DPY19L3: variants seen among roughly 807,000 people sequenced by gnomAD.
The protein encoded by DPY19L3 is protein C-mannosyl-transferase DPY19L3.
DPY19L3 carries 51 observed loss-of-function variants against 92.3 expected under a neutral mutation model. That is an observed-to-expected ratio of 0.55 (90% confidence interval 0.44 to 0.70). DPY19L3 has a LOEUF of 0.70. DPY19L3 is among the 30% of genes least tolerant of loss of function. The pLI, the probability that DPY19L3 is intolerant of heterozygous loss-of-function variation, is 0.00. For synonymous variants in DPY19L3, 309 were observed against 315.2 expected (o/e 0.98, Z 0.21); for missense variants, 706 against 855.9 (o/e 0.82, Z 2.18).
intron 10 of DPY19L3, among the ~76,000 whole-genome samples, 154 bp downstream of exon 10, chr19:32,455,194 A>C (rs1208095405): frequency 6.6e-6 from 1 of 152,202 alleles, no homozygotes; most frequent in African/African-American, 2.4e-5. Context: ...ACCTGGTCTC[A>C]GATGGCCCTC....
Position 32,458,136 on chromosome 19 carries a change from A to G in DPY19L3, c.1126A>G (p.Lys376Glu). The G allele has an allele frequency of 1.9e-6, 3 of 1,613,814 alleles. No homozygotes were observed. Among genetic ancestry groups the G allele is most frequent in the Non-Finnish European group, 2.5e-6 (3 of 1,179,918 alleles). The change falls in exon 11 of 19, where the codon AAA becomes GAA. Residue 376 changes from lysine to glutamate, a missense_variant. Transcript: ENST00000392250. ...LNLKSDEHIF[K>E]FLKAKFGLGA... ...CCTGAAGTCAGATGAACACATATTT[A>G]AATTTCTGAAGGCAAAATTTGGGCT...
intron 8 of DPY19L3, among the ~76,000 whole-genome samples, chr19:32,451,710 C>T (rs1043944107): frequency 6.6e-6 from 1 of 151,964 alleles, no homozygotes; most frequent in African/African-American, 2.4e-5. Context: ...TTCTTTGTGG[C>T]GTGTTTCGTG....
chr19:32,450,705 G>A (rs780454710), intron 8 of DPY19L3, among the ~76,000 whole-genome samples: 2 of 152,162 alleles, frequency 1.3e-5, no homozygotes, highest in Non-Finnish European at 2.9e-5. Context: ...CCGGAGCTGG[G>A]GGTAGGGGAT....
intron 16 of DPY19L3, among the ~76,000 whole-genome samples, chr19:32,473,750 G>A (rs1970423561): frequency 6.6e-6 from 1 of 152,224 alleles, no homozygotes; most frequent in African/African-American, 2.4e-5. Context: ...GAGGGAAGAA[G>A]CATCATCCCT....
intron 15 of DPY19L3, among the ~76,000 whole-genome samples, chr19:32,466,448 T>C (rs1483062264): frequency 6.6e-6 from 1 of 152,208 alleles, no homozygotes; most frequent in African/African-American, 2.4e-5. Flanking sequence ...CAGAGAATTC[T>C]TTGCCGCTGG....
intron 2 of DPY19L3, 120 bp downstream of exon 2, chr19:32,408,476 C>T: frequency 1.5e-6 from 1 of 651,862 alleles, no homozygotes. Flanking sequence ...TTGTAGTACC[C>T]TGATATTCTA....
At position 32,411,280 on chromosome 19, in the gene DPY19L3, A is replaced by T; in HGVS notation, c.145A>T (p.Ile49Phe). The change falls in exon 3 of 19, where the codon ATT becomes TTT. Residue 49 changes from isoleucine (I) to phenylalanine (F), a missense_variant. Coordinates refer to ENST00000392250, the MANE Select transcript of DPY19L3 (RefSeq NM_001172774.2). ...ATTATGGAAGATTTTGTCATTGACA[A>T]TTGGTGGAACCATTGCCCTTTGCAT... is the stretch of plus-strand genomic sequence containing the variant. ...RRLWKILSLT[I>F]GGTIALCIGL... The T allele has an allele frequency of 6.2e-7, 1 of 1,613,270 alleles. No individual in the cohort carries two copies. The highest frequency in any genetic ancestry group is 1.1e-5 in the South Asian group (1 of 90,976).
At position 32,484,121 on chromosome 19, in the gene DPY19L3, A is replaced by AT. The variant is rs573964055; in HGVS notation, c.*1891dup. On this transcript the variant is annotated 3_prime_UTR_variant, in exon 19 of 19. Transcript: ENST00000392250. Reference sequence around the variant, plus strand: ...ATCACCGCAATGATGGCAAACAGTGATTTTTTTTTTCATAGTTTAGGTGTC... The same window carrying AT: ...ATCACCGCAATGATGGCAAACAGTGATTTTTTTTTTTCATAGTTTAGGTGTC... The AT allele has an allele frequency of 2.6e-4, 39 of 151,140 alleles. No homozygotes were observed. Among genetic ancestry groups the AT allele is most frequent in the East Asian group, 1.2e-3 (6 of 5,134 alleles). 9.4% of individuals were successfully genotyped at this position (151,140 alleles called of 1,614,324 possible).
intron 3 of DPY19L3, 26 bp downstream of exon 3, chr19:32,411,398 T>C: frequency 6.2e-7 from 1 of 1,613,184 alleles, no homozygotes; most frequent in Non-Finnish European, 8.5e-7. Context: ...GACCATTGTA[T>C]CATTCACTCA....
intron 16 of DPY19L3, among the ~76,000 whole-genome samples, chr19:32,474,407 G>A (rs904134125): frequency 4.6e-5 from 7 of 152,182 alleles, no homozygotes; most frequent in African/African-American, 1.4e-4. Flanking sequence ...GCTAGGGGCC[G>A]GGGATGGGAG....
intron 15 of DPY19L3, among the ~76,000 whole-genome samples, chr19:32,467,166 A>G (rs965997169): frequency 2.6e-5 from 4 of 152,216 alleles, no homozygotes; most frequent in Non-Finnish European, 5.9e-5. Context: ...TGAAATCTCT[A>G]CTGCTGATTG....
At chr19:32,424,953 G>A (rs1968707285) in intron 3 of DPY19L3, among the ~76,000 whole-genome samples, 1 of 152,094 alleles carries the variant, frequency 6.6e-6, no homozygotes, top group African/African-American at 2.4e-5. Flanking sequence ...TTTTCAGCAG[G>A]GCACCAGGAA....
chr19:32,465,630 C>G lies in DPY19L3; in HGVS notation c.1614+846C>G, dbSNP rs571433514. On this transcript the variant is annotated intron_variant, in intron 15 of 18. Transcript: ENST00000392250. The stretch of plus-strand genomic sequence containing the variant: ...TGGGACCTCCCGCAGAGAGGATCAG[C>G]TAGAGCAGCTCAGCTTTGGGGTTTA... Among the ~76,000 whole-genome samples the G allele has an allele frequency of 7.9e-5, 12 of 152,240 alleles. No homozygotes were observed. In the South Asian group the frequency reaches 2.5e-3, roughly 32 times the overall value.
chr19:32,476,879 T>TTTG (rs142648662), intron 16 of DPY19L3, among the ~76,000 whole-genome samples: 54 of 152,074 alleles, frequency 3.6e-4, no homozygotes, highest in East Asian at 1.3e-3. Flanking sequence ...GTTTCCATGT[T>TTTG]TTGTTGTTGT....
intron 8 of DPY19L3, among the ~76,000 whole-genome samples, chr19:32,442,593 G>A (rs745805997): frequency 6.6e-6 from 1 of 152,128 alleles, no homozygotes; most frequent in Non-Finnish European, 1.5e-5. Flanking sequence ...ATTTGACAGC[G>A]AGTTTCTTGG....
chr19:32,446,912 T>G (rs1320222139), intron 8 of DPY19L3, among the ~76,000 whole-genome samples: 2 of 152,210 alleles, frequency 1.3e-5, no homozygotes, highest in Non-Finnish European at 2.9e-5. Context: ...AGAATACTCA[T>G]TCTTTTCAAG....
chr19:32,440,756 A>G (rs1234945525), intron 8 of DPY19L3, among the ~76,000 whole-genome samples: 2 of 152,228 alleles, frequency 1.3e-5, no homozygotes, highest in African/African-American at 4.8e-5. Context: ...TTAGCTTGGG[A>G]AACAAAGATC....
intron 2 of DPY19L3, among the ~76,000 whole-genome samples, chr19:32,408,628 C>A (rs1216820513): frequency 6.6e-6 from 1 of 152,156 alleles, no homozygotes; most frequent in Non-Finnish European, 1.5e-5. Context: ...GTAATGGTCC[C>A]CCCACCCACA....
chr19:32,433,186 A>G (rs953840268), intron 4 of DPY19L3, among the ~76,000 whole-genome samples: 4 of 152,104 alleles, frequency 2.6e-5, no homozygotes, highest in Non-Finnish European at 2.9e-5. Context: ...CCAGTGCTCC[A>G]TTCATTCCTT....
Sources: gnomAD v4.1 joint callset for allele counts (sites outside exome capture counted in the v4.1 genomes callset) on GRCh38, gnomAD v4.1.1 for gene constraint, MANE v1.5 for transcripts, NCBI Gene and HGNC (gene_info 2026-07-23, HGNC 2026-07-21) for gene names.